CASK: variants seen among roughly 807,000 people sequenced by gnomAD.
CASK encodes peripheral plasma membrane protein CASK.
Under a neutral mutation model 82.9 loss-of-function variants are expected in CASK, and 4 were observed. The observed-to-expected ratio is 0.05, with a 90% CI of 0.02 to 0.11. CASK has a LOEUF of 0.11. CASK is among the 10% of genes least tolerant of loss of function. The pLI, the probability that CASK is intolerant of heterozygous loss-of-function variation, is 1.00. For synonymous variants in CASK, 259 were observed against 253.5 expected, an observed-to-expected ratio of 1.02 and a Z score of -0.20; for missense variants, 358 against 720.9, an observed-to-expected ratio of 0.50 and a Z score of 5.76.
At chrX:41,568,667 C>T (rs1307627034) in intron 16 of CASK, among the ~76,000 whole-genome samples, 1 of 111,909 alleles carries the variant, frequency 8.9e-6, no homozygotes, top group African/African-American at 3.2e-5. Flanking sequence ...CCAAACCCTG[C>T]CCATCCTTGA....
At chrX:41,695,417 G>C (rs1009503900) in intron 5 of CASK, 40 of 315,626 alleles carry the variant, frequency 1.3e-4, no homozygotes, top group African/African-American at 1.1e-3. Context: ...CTGGGTTCAA[G>C]CAATCCTTCT....
chrX:41,534,608 AC>A, intron 24 of CASK, 97 bp downstream of exon 24: 1 of 658,659 alleles, frequency 1.5e-6, no homozygotes, highest in East Asian at 3.5e-5. Flanking sequence ...CCTACAATGA[AC>A]AGTTATACCT....
chrX:41,640,471 G>T (rs748421393), intron 8 of CASK, among the ~76,000 whole-genome samples: 7 of 111,242 alleles, frequency 6.3e-5, no homozygotes, highest in African/African-American at 2.3e-4. Flanking sequence ...CAAAGTGCTG[G>T]GATTACAGGT....
intron 1 of CASK, among the ~76,000 whole-genome samples, chrX:41,917,299 TC>T (rs2072709750): frequency 8.9e-6 from 1 of 112,210 alleles, no homozygotes; most frequent in Non-Finnish European, 1.9e-5. Context: ...AAATAATACA[TC>T]CAAAATGCCT....
intron 2 of CASK, among the ~76,000 whole-genome samples, chrX:41,837,292 C>G (rs1444365993): frequency 8.9e-6 from 1 of 112,105 alleles, no homozygotes; most frequent in African/African-American, 3.2e-5. Flanking sequence ...ACTATTGATA[C>G]AACCAACAGA....
intron 9 of CASK, among the ~76,000 whole-genome samples, chrX:41,634,193 T>G (rs2066519350): frequency 8.9e-6 from 1 of 112,144 alleles, no homozygotes; most frequent in Non-Finnish European, 1.9e-5. Flanking sequence ...CACCTAGTTG[T>G]GTGAAAATAA....
intron 5 of CASK, chrX:41,727,563 T>C (rs183590686): frequency 1.7e-6 from 2 of 1,204,805 alleles, no homozygotes; most frequent in Admixed American, 4.4e-5. Flanking sequence ...TCATAGAGGC[T>C]ACAGAAGGAG....
chrX:41,583,011 CTTGT>C (rs1367183635), intron 14 of CASK, among the ~76,000 whole-genome samples: 2 of 112,054 alleles, frequency 1.8e-5, no homozygotes, highest in Non-Finnish European at 3.8e-5. Context: ...GGGCAGGGAT[CTTGT>C]TTGTCTTATT....
chrX:41,854,876 A>C (rs1392246302), intron 1 of CASK, among the ~76,000 whole-genome samples: 1 of 112,374 alleles, frequency 8.9e-6, no homozygotes, highest in Non-Finnish European at 1.9e-5. Context: ...CTGAGGGACA[A>C]ACGTTTTCAT....
At chrX:41,567,857 A>G (rs772609391) in intron 16 of CASK, among the ~76,000 whole-genome samples, 2 of 111,628 alleles carry the variant, frequency 1.8e-5, no homozygotes, top group South Asian at 7.6e-4. Context: ...CATCATTGAT[A>G]GACTGGATTA....
At chrX:41,622,010 G>A (rs185515809) in intron 11 of CASK, among the ~76,000 whole-genome samples, 1 of 111,884 alleles carries the variant, frequency 8.9e-6, no homozygotes, top group East Asian at 2.8e-4. Flanking sequence ...TATTCAGATT[G>A]CCTCAGTTTT....
intron 19 of CASK, chrX:41,555,922 C>T (rs1356241587): frequency 4.5e-5 from 6 of 133,924 alleles, no homozygotes; most frequent in Middle Eastern, 1.9e-3. Context: ...GTGAAACAGC[C>T]TATTAAAAAA....
chrX:41,567,505 T>C lies in CASK; in HGVS notation c.1582+2163A>G, dbSNP rs745905223. Among the ~76,000 whole-genome samples the C allele has an allele frequency of 1.5e-4, 17 of 112,575 alleles. No individual in the cohort carries two copies. In the East Asian group the frequency reaches 3.9e-3, roughly 26 times the overall value. ...CTGAAAAAATGCTCATCATCACTGG[T>C]CATCAGAGAAATGCAAATCAAAACC... On this transcript the variant is annotated intron_variant, in intron 16 of 26. Coordinates refer to ENST00000378163, the MANE Select transcript of CASK (RefSeq NM_001367721.1).
chrX:41,799,939 G>A (rs1392309800), intron 2 of CASK, among the ~76,000 whole-genome samples: 1 of 107,445 alleles, frequency 9.3e-6, no homozygotes, highest in Admixed American at 1.0e-4. Flanking sequence ...CATTTTCCAC[G>A]GCTCCATGCT....
intron 8 of CASK, among the ~76,000 whole-genome samples, chrX:41,656,329 A>G (rs1205891997): frequency 8.9e-6 from 1 of 111,922 alleles, no homozygotes; most frequent in Non-Finnish European, 1.9e-5. Flanking sequence ...GATGCTGGTA[A>G]CCCTGGGAGG....
At chrX:41,600,995 C>A (rs921087972) in intron 12 of CASK, among the ~76,000 whole-genome samples, 52 of 111,688 alleles carry the variant, frequency 4.7e-4, no homozygotes, top group African/African-American at 1.6e-3. Flanking sequence ...ATAAGCCAGA[C>A]ACAAAAGGGC....
At chrX:41,905,403 G>C (rs1458711934) in intron 1 of CASK, among the ~76,000 whole-genome samples, 1 of 112,158 alleles carries the variant, frequency 8.9e-6, no homozygotes, top group East Asian at 2.8e-4. Context: ...CCTTGTTATT[G>C]TCTTTTTGAT....
chrX:41,733,067 T>C lies in CASK; in HGVS notation c.429+6317A>G, dbSNP rs967797103. On this transcript the variant is annotated intron_variant, in intron 5 of 26. Transcript: ENST00000378163. ...GGCAGGCGCCTGTAATCTCAGCTAC[T>C]CAGGAGGCTGAGGCAGGAGAATTGC... 1.3e-3 allele frequency among the ~76,000 whole-genome samples: 138 copies of C among 108,079 alleles called. No individual in the cohort carries two copies. The Admixed American group carries it at 0.014, about 11-fold the overall frequency. 93.9% of individuals were successfully genotyped at this position (108,079 alleles called of 115,157 possible).
At chrX:41,667,270 A>G (rs1050138649) in intron 6 of CASK, among the ~76,000 whole-genome samples, 3 of 111,689 alleles carry the variant, frequency 2.7e-5, no homozygotes, top group African/African-American at 9.8e-5. Context: ...ATGTAGAGGA[A>G]GGCTCTTTTA....
Sources: allele counts gnomAD v4.1 joint callset (sites outside exome capture counted in the v4.1 genomes callset), GRCh38; gene constraint gnomAD v4.1.1; transcripts MANE v1.5; gene names NCBI Gene and HGNC (gene_info 2026-07-23, HGNC 2026-07-21).